EPB41L4A: variants seen among roughly 807,000 people sequenced by gnomAD.
EPB41L4A encodes the protein erythrocyte membrane protein band 4.1 like 4A, also known as band 4.1-like protein 4A.
EPB41L4A carries 100 observed loss-of-function variants against 108.6 expected under a neutral mutation model. That is an observed-to-expected ratio of 0.92 (90% CI 0.78 to 1.09). EPB41L4A has a LOEUF of 1.09. Ranked by LOEUF, EPB41L4A falls within the 50% of genes least tolerant of loss-of-function variation. The pLI, the probability that EPB41L4A is intolerant of heterozygous loss-of-function variation, is 0.00. For missense variants in EPB41L4A, 1,030 were observed against 842.7 expected (o/e 1.22, Z -2.75); for synonymous variants, 319 against 289.0 (o/e 1.10, Z -1.05).
chr5:112,281,417 C>G (rs1457059254), intron 2 of EPB41L4A, among the ~76,000 whole-genome samples: 1 of 152,184 alleles, frequency 6.6e-6, no homozygotes. Flanking sequence ...AGGGCAGAAG[C>G]CAAGGAAGCA....
At chr5:112,317,953 T>A (rs1014877670) in intron 1 of EPB41L4A, among the ~76,000 whole-genome samples, 1 of 152,140 alleles carries the variant, frequency 6.6e-6, no homozygotes, top group Non-Finnish European at 1.5e-5. Flanking sequence ...CTGAAAAGCT[T>A]GAGAATTACT....
At chr5:112,296,991 A>ACT (rs1754030923) in intron 2 of EPB41L4A, among the ~76,000 whole-genome samples, 2 of 44,962 alleles carry the variant, frequency 4.4e-5, no homozygotes, top group African/African-American at 2.7e-4. Flanking sequence ...ATACATACAT[A>ACT]CACACACACA....
chr5:112,272,248 C>A (rs193137609), intron 4 of EPB41L4A, among the ~76,000 whole-genome samples: 1 of 151,074 alleles, frequency 6.6e-6, no homozygotes, highest in Non-Finnish European at 1.5e-5. Flanking sequence ...GATTCTCCTG[C>A]CTCAGCCTCC....
At chr5:112,195,281 G>A (rs915362887) in intron 16 of EPB41L4A, among the ~76,000 whole-genome samples, 3 of 151,984 alleles carry the variant, frequency 2.0e-5, no homozygotes, top group African/African-American at 2.4e-5. Flanking sequence ...AAGGCCCCCT[G>A]GATAACACAA....
chr5:112,388,143 C>A (rs184691021), intron 1 of EPB41L4A, among the ~76,000 whole-genome samples: 84 of 152,264 alleles, frequency 5.5e-4, no homozygotes, highest in Admixed American at 5.4e-3. Flanking sequence ...GGCAAACTAA[C>A]AATTTACCCT....
intron 1 of EPB41L4A, among the ~76,000 whole-genome samples, chr5:112,351,994 A>G (rs1197887081): frequency 2.0e-5 from 3 of 152,242 alleles, no homozygotes; most frequent in Non-Finnish European, 4.4e-5. Context: ...GAAGAAAGAC[A>G]CCTCAACATA....
intron 18 of EPB41L4A, among the ~76,000 whole-genome samples, chr5:112,176,743 C>CTTTTT (rs59150913): frequency 6.1e-5 from 4 of 65,848 alleles, no homozygotes; most frequent in Admixed American, 2.1e-4. Context: ...ACCAGAGCAA[C>CTTTTT]TTTTTTTTTT....
intron 1 of EPB41L4A, among the ~76,000 whole-genome samples, chr5:112,398,207 TA>T (rs1050096452): frequency 1.3e-5 from 2 of 151,856 alleles, no homozygotes; most frequent in East Asian, 1.9e-4. Context: ...TTCAATATAT[TA>T]AAAAAAAATC....
chr5:112,289,801 C>T (rs1470237324), intron 2 of EPB41L4A, among the ~76,000 whole-genome samples: 2 of 152,228 alleles, frequency 1.3e-5, no homozygotes, highest in East Asian at 3.9e-4. Context: ...CGGGCCCTCC[C>T]AAGCCCTGCC....
Position 112,305,469 on chromosome 5 carries a change from T to A in EPB41L4A, c.204+1917A>T, listed in dbSNP as rs144665128. On this transcript the variant is annotated intron_variant, in intron 2 of 22. Coordinates refer to ENST00000261486, the MANE Select transcript of EPB41L4A (RefSeq NM_022140.5). Reference sequence around the variant, plus strand: ...AATGCTTCTAAATGGGAAACCATATTTGGTTTTTAAGACAATGATTTTTTA... The same window carrying A: ...AATGCTTCTAAATGGGAAACCATATATGGTTTTTAAGACAATGATTTTTTA... Among the ~76,000 whole-genome samples, 333 of 152,270 alleles carry A rather than the reference T, an allele frequency of 2.2e-3. 1 individual carries two copies. Among genetic ancestry groups the A allele is most frequent in the African/African-American group, 7.7e-3 (321 of 41,550 alleles).
chr5:112,339,218 C>T (rs1757109205), intron 1 of EPB41L4A, among the ~76,000 whole-genome samples: 1 of 151,992 alleles, frequency 6.6e-6, no homozygotes, highest in African/African-American at 2.4e-5. Flanking sequence ...TAAACACAAG[C>T]TGTGAATCAG....
intron 2 of EPB41L4A, among the ~76,000 whole-genome samples, chr5:112,300,888 C>G (rs1274314484): frequency 6.6e-6 from 1 of 151,958 alleles, no homozygotes; most frequent in African/African-American, 2.4e-5. Flanking sequence ...ATTTGATAAC[C>G]TTATCTTCGA....
intron 1 of EPB41L4A, among the ~76,000 whole-genome samples, chr5:112,387,034 G>C (rs375314744): frequency 1.3e-5 from 2 of 152,122 alleles, no homozygotes; most frequent in African/African-American, 4.8e-5. Context: ...ACTGATTTAA[G>C]GCCTCTATTG....
intron 13 of EPB41L4A, among the ~76,000 whole-genome samples, chr5:112,144,444 C>T (rs1323478581): frequency 6.6e-6 from 1 of 152,106 alleles, no homozygotes; most frequent in Non-Finnish European, 1.5e-5. Context: ...TGCCACCACA[C>T]TCAGCTAATT....
chr5:112,171,972 C>T (rs955654634), intron 18 of EPB41L4A, among the ~76,000 whole-genome samples: 1 of 152,120 alleles, frequency 6.6e-6, no homozygotes, highest in East Asian at 1.9e-4. Context: ...TCATTCTTCT[C>T]GATTCATAAG....
At chr5:112,339,660 A>G (rs1757182672) in intron 1 of EPB41L4A, among the ~76,000 whole-genome samples, 1 of 151,364 alleles carries the variant, frequency 6.6e-6, no homozygotes, top group Non-Finnish European at 1.5e-5. Flanking sequence ...CAGCCTCCTG[A>G]GTACCTGGGA....
chr5:112,150,867 T>G (rs1412549403), intron 12 of EPB41L4A, among the ~76,000 whole-genome samples: 2 of 152,076 alleles, frequency 1.3e-5, no homozygotes, highest in African/African-American at 4.8e-5. Flanking sequence ...AAAATGAGAG[T>G]GAAACAAAGA....
chr5:112,231,418 C>T (rs1344458594), intron 12 of EPB41L4A, among the ~76,000 whole-genome samples: 1 of 152,090 alleles, frequency 6.6e-6, no homozygotes, highest in Non-Finnish European at 1.5e-5. Context: ...AGAGAAGATT[C>T]TAAGTTTTCT....
chr5:112,402,690 C>T (rs1468781297), intron 1 of EPB41L4A, among the ~76,000 whole-genome samples: 1 of 152,186 alleles, frequency 6.6e-6, no homozygotes, highest in African/African-American at 2.4e-5. Flanking sequence ...TCCTTTTCAA[C>T]TTTTCTATGA....
Sources: allele counts gnomAD v4.1 joint callset (sites outside exome capture counted in the v4.1 genomes callset), GRCh38; gene constraint gnomAD v4.1.1; transcripts MANE v1.5; gene names NCBI Gene and HGNC (gene_info 2026-07-23, HGNC 2026-07-21).